GRIK1: variants seen among roughly 807,000 people sequenced by gnomAD.
The protein encoded by GRIK1 is glutamate ionotropic receptor kainate type subunit 1.
Under a neutral mutation model 105.7 loss-of-function variants are expected in GRIK1, and 69 were observed. The ratio of observed to expected loss-of-function variants is 0.65; its 90% CI spans 0.54 to 0.80. GRIK1 has a LOEUF of 0.80. GRIK1 is among the 30% of genes least tolerant of loss of function. The pLI is 0.00. For missense variants in GRIK1, 1,109 were observed against 1,167.3 expected, an observed-to-expected ratio of 0.95 and a Z score of 0.73; for synonymous variants, 438 against 431.3, an observed-to-expected ratio of 1.02 and a Z score of -0.19.
intron 16 of GRIK1, among the ~76,000 whole-genome samples, chr21:29,546,113 T>C (rs921611036): frequency 6.6e-5 from 10 of 152,176 alleles, no homozygotes; most frequent in Non-Finnish European, 1.5e-4. Flanking sequence ...AACACTGATT[T>C]CTGTCTCTGC....
chr21:29,812,956 G>A (rs1019648683), intron 1 of GRIK1, among the ~76,000 whole-genome samples: 6 of 152,146 alleles, frequency 3.9e-5, no homozygotes, highest in South Asian at 2.1e-4. Context: ...AGAAAAAATT[G>A]TACGTAGGAA....
At chr21:29,779,326 CAGTG>C (rs991174693) in intron 1 of GRIK1, among the ~76,000 whole-genome samples, 8 of 112,768 alleles carry the variant, frequency 7.1e-5, no homozygotes, top group Non-Finnish European at 1.5e-4. Flanking sequence ...TTTTGGAGGT[CAGTG>C]AGTGAGTGTG....
chr21:29,904,969 C>A (rs539383639), intron 1 of GRIK1, among the ~76,000 whole-genome samples: 1 of 152,128 alleles, frequency 6.6e-6, no homozygotes, highest in East Asian at 1.9e-4. Context: ...AGGGTCACAC[C>A]GCTATACGTG....
At chr21:29,708,511 G>A (rs369178749) in intron 1 of GRIK1, among the ~76,000 whole-genome samples, 9 of 152,154 alleles carry the variant, frequency 5.9e-5, no homozygotes, top group African/African-American at 2.2e-4. Context: ...TACTATTTCC[G>A]GTTCTTTCCC....
rs1491373479 is a variant in GRIK1 at position 29,560,400 on chromosome 21, C to CCTTCCTTCCTTTCTTTCTTTCTTT, written c.2356+1223_2356+1224insAAAGAAAGAAAGAAAGGAAGGAAG. On this transcript the variant is annotated intron_variant, in intron 15 of 17. Transcript: ENST00000327783. ...TCCTTCCTTCCTTCCTTCCTTCCTTCCTTTCTTTCTTTCTTTCTTTCTTTC... is the reference window on the plus strand; with the variant it reads ...TCCTTCCTTCCTTCCTTCCTTCCTTCCTTCCTTCCTTTCTTTCTTTCTTTCTTTCTTTCTTTCTTTCTTTCTTTC... 1.9e-4 allele frequency among the ~76,000 whole-genome samples: 13 copies of CCTTCCTTCCTTTCTTTCTTTCTTT among 67,118 alleles called. 1 individual carries two copies. Among genetic ancestry groups the CCTTCCTTCCTTTCTTTCTTTCTTT allele is most frequent in the South Asian group, 5.0e-4 (1 of 2,002 alleles). 44.0% of individuals were successfully genotyped at this position (67,118 alleles called of 152,430 possible). A position where few individuals can be genotyped will look rare whatever the true frequency, so the allele number is the denominator to read the frequency against.
intron 1 of GRIK1, among the ~76,000 whole-genome samples, chr21:29,835,046 G>A (rs1036765584): frequency 6.6e-6 from 1 of 151,946 alleles, no homozygotes. Flanking sequence ...GATCACTAAT[G>A]CTCCAGGTAG....
intron 1 of GRIK1, among the ~76,000 whole-genome samples, chr21:29,863,665 G>C (rs1333114715): frequency 6.6e-6 from 1 of 151,844 alleles, no homozygotes; most frequent in Non-Finnish European, 1.5e-5. Flanking sequence ...TTCCAATGTT[G>C]TTTTATCACA....
chr21:29,733,366 A>G (rs564933414), intron 1 of GRIK1, among the ~76,000 whole-genome samples: 2 of 152,290 alleles, frequency 1.3e-5, no homozygotes, highest in South Asian at 4.1e-4. Flanking sequence ...TAAATTCTAT[A>G]TAGCCAATTG....
chr21:29,706,031 A>T (rs1212118932), intron 1 of GRIK1, among the ~76,000 whole-genome samples: 1 of 151,144 alleles, frequency 6.6e-6, no homozygotes. Flanking sequence ...GTGCCACCAC[A>T]CCCGGCTAGT....
At chr21:29,833,654 A>C (rs2067702523) in intron 1 of GRIK1, among the ~76,000 whole-genome samples, 1 of 152,258 alleles carries the variant, frequency 6.6e-6, no homozygotes, top group South Asian at 2.1e-4. Context: ...TCAGAACAGC[A>C]AAGGGGAAGT....
chr21:29,782,142 A>G (rs555309764), intron 1 of GRIK1, among the ~76,000 whole-genome samples: 186 of 145,612 alleles, frequency 1.3e-3, no homozygotes, highest in Non-Finnish European at 1.9e-3. Context: ...GCTGGAGTGC[A>G]GTGGCGCGAT....
chr21:29,854,511 A>G (rs774658201), intron 1 of GRIK1, among the ~76,000 whole-genome samples: 2 of 151,102 alleles, frequency 1.3e-5, no homozygotes, highest in Non-Finnish European at 2.9e-5. Flanking sequence ...AATAATGAGA[A>G]AAAAAAACAA....
intron 1 of GRIK1, among the ~76,000 whole-genome samples, chr21:29,907,802 T>A (rs456240): frequency 0.22 from 33,481 of 152,034 alleles, 4,193 homozygotes; most frequent in African/African-American, 0.34. Flanking sequence ...AAAAGAGCAA[T>A]TTAGTGTATA....
intron 1 of GRIK1, among the ~76,000 whole-genome samples, chr21:29,933,339 C>A (rs1481726387): frequency 6.6e-6 from 1 of 152,144 alleles, no homozygotes; most frequent in Non-Finnish European, 1.5e-5. Flanking sequence ...AGTGGTGTTA[C>A]TGGCCCATGT....
At chr21:29,605,604 A>C (rs1437605585) in intron 7 of GRIK1, among the ~76,000 whole-genome samples, 1 of 152,136 alleles carries the variant, frequency 6.6e-6, no homozygotes, top group South Asian at 2.1e-4. Context: ...GCTGGGTCAA[A>C]AGGTATTTCT....
At chr21:29,633,315 A>G (rs2062324906) in intron 7 of GRIK1, among the ~76,000 whole-genome samples, 1 of 152,174 alleles carries the variant, frequency 6.6e-6, no homozygotes, top group Admixed American at 6.5e-5. Flanking sequence ...CCTGGCCAAC[A>G]TGGTGAAACC....
rs185547278 is a variant in GRIK1 at position 29,668,774 on chromosome 21, C to T, written c.726+4209G>A. Reference sequence around the variant, plus strand: ...TTCTTTAAATTCACCTCCTTTCAGCCACTCCCTCAGTAAAATCACACTCAG... The same window carrying T: ...TTCTTTAAATTCACCTCCTTTCAGCTACTCCCTCAGTAAAATCACACTCAG... On this transcript the variant is annotated intron_variant, in intron 4 of 17. Transcript: ENST00000327783. Among the ~76,000 whole-genome samples the T allele has an allele frequency of 2.1e-4, 32 of 152,256 alleles. No homozygotes were observed. The East Asian group carries it at 5.8e-3, about 28-fold the overall frequency.
chr21:29,796,357 C>T (rs2066555133), intron 1 of GRIK1, among the ~76,000 whole-genome samples: 1 of 151,968 alleles, frequency 6.6e-6, no homozygotes, highest in Non-Finnish European at 1.5e-5. Flanking sequence ...GGAGAAAGAC[C>T]TAAACTGCCC....
chr21:29,638,730 C>G (rs1402205036), intron 7 of GRIK1, among the ~76,000 whole-genome samples: 3 of 152,176 alleles, frequency 2.0e-5, no homozygotes, highest in Middle Eastern at 3.2e-3. Flanking sequence ...AGGTGTTAAT[C>G]TAACTGCAAT....
Sources: allele counts gnomAD v4.1 joint callset (sites outside exome capture counted in the v4.1 genomes callset), GRCh38; gene constraint gnomAD v4.1.1; transcripts MANE v1.5; gene names NCBI Gene and HGNC (gene_info 2026-07-23, HGNC 2026-07-21).